The following NDRG2 variants were observed in gnomAD, a reference collection of about 807,000 sequenced individuals.
NDRG2 encodes protein NDRG2.
NDRG2 carries 34 observed loss-of-function variants against 58.2 expected under a neutral mutation model. That is an observed-to-expected ratio of 0.58 (90% CI 0.44 to 0.78). The LOEUF (loss-of-function observed/expected upper bound fraction) is 0.78, where lower values mean the gene tolerates loss of function less well. Ranked by LOEUF, NDRG2 falls within the 30% of genes least tolerant of loss-of-function variation. The pLI is 0.00. For missense variants in NDRG2, 434 were observed against 471.2 expected, an observed-to-expected ratio of 0.92 and a Z score of 0.73; for synonymous variants, 187 against 175.9, an observed-to-expected ratio of 1.06 and a Z score of -0.50.
chr14:21,033,712 C>A (rs1300939661), intron 1 of NDRG2: 6 of 835,544 alleles, frequency 7.2e-6, no homozygotes, highest in African/African-American at 1.7e-5. Flanking sequence ...GGGAGGGGAC[C>A]CTGCCTGCCT....
intron 12 of NDRG2, 84 bp from the exon 13 acceptor site, chr14:21,018,588 G>C: frequency 6.4e-7 from 1 of 1,567,402 alleles, no homozygotes; most frequent in Non-Finnish European, 8.6e-7. Flanking sequence ...CCAGACCCCA[G>C]TCCCTTTTCT....
rs1420094507 is a variant in NDRG2 at position 21,025,007 on chromosome 14, C to T, written c.-984G>A. 12 of 985,938 alleles carry T rather than the reference C, an allele frequency of 1.2e-5. No homozygotes were observed. Among genetic ancestry groups the T allele is most frequent in the Non-Finnish European group, 1.4e-5 (12 of 830,366 alleles). The allele number at this position is 985,938 out of a possible 1,614,324, so 61.1% of individuals were successfully genotyped here. On this transcript the variant is annotated 5_prime_UTR_variant, in exon 1 of 16. Transcript: ENST00000556147. The surrounding 1 kb of genome is among the most constrained non-coding windows in gnomAD (Gnocchi z 5.1). ...CTGGCGCCTTCCAGGCCCTACGGCCCCTCGCCTGCCCCTCCCCCTACCTGC... is the reference window on the plus strand; with the variant it reads ...CTGGCGCCTTCCAGGCCCTACGGCCTCTCGCCTGCCCCTCCCCCTACCTGC...
intron 1 of NDRG2, among the ~76,000 whole-genome samples, chr14:21,053,904 T>C (rs1279147356): frequency 6.6e-6 from 1 of 152,220 alleles, no homozygotes; most frequent in African/African-American, 2.4e-5. Context: ...ACTGGGTCCA[T>C]GTAAGCTAGT....
At chr14:21,034,190 A>G (rs748525600) in intron 1 of NDRG2, 90 of 1,613,934 alleles carry the variant, frequency 5.6e-5, no homozygotes, top group Non-Finnish European at 6.9e-5. Flanking sequence ...TGCTTAAGGT[A>G]TAGAAGTTCC....
intron 15 of NDRG2, 106 bp from the exon 16 acceptor site, chr14:21,017,868 G>C: frequency 1.2e-6 from 2 of 1,601,618 alleles, no homozygotes; most frequent in Non-Finnish European, 8.5e-7. Context: ...AACTAAGCCA[G>C]GGGATCAACG....
Position 21,025,059 on chromosome 14 carries a change from C to T in NDRG2, c.-1036G>A. 6 of 986,278 alleles carry T rather than the reference C, an allele frequency of 6.1e-6. No individual in the cohort carries two copies. The highest frequency in any genetic ancestry group is 6.0e-6 in the Non-Finnish European group (5 of 830,692). The allele number at this position is 986,278 out of a possible 1,614,324, so 61.1% of individuals were successfully genotyped here. ...GCCGCCGCGGCCGCTTCCACCTTCA[C>T]TTGCCTTTGACTCGGGCCCGCCCCG... On this transcript the variant is annotated 5_prime_UTR_variant, in exon 1 of 16. The change creates a new upstream start codon in the 5' untranslated region. Transcript: ENST00000556147. This position sits in a 1 kb window ranked among gnomAD's most constrained non-coding sequence, Gnocchi z 5.1.
chr14:21,044,829 C>T (rs1885075155), intron 1 of NDRG2, among the ~76,000 whole-genome samples: 1 of 152,168 alleles, frequency 6.6e-6, no homozygotes, highest in African/African-American at 2.4e-5. Flanking sequence ...GCTGAGGATT[C>T]CACTCTACCT....
rs774419472 is a variant in NDRG2, at chr14:21,033,960, G to A, written c.25-10639C>T. On this transcript the variant is annotated intron_variant, in intron 1 of 14. Transcript: ENST00000403829. ...CTGTTGGTGGCTCAGGGAGCAGACCGTGATGGGGAGGGAATCCTGGGTGAG... is the reference window on the plus strand; with the variant it reads ...CTGTTGGTGGCTCAGGGAGCAGACCATGATGGGGAGGGAATCCTGGGTGAG... The A allele has an allele frequency of 4.3e-5, 69 of 1,614,054 alleles. 1 individual carries two copies. In the East Asian group the frequency reaches 6.5e-4, roughly 15 times the overall value.
At chr14:21,069,035 G>A (rs528839811) in intron 1 of NDRG2, among the ~76,000 whole-genome samples, 2 of 152,322 alleles carry the variant, frequency 1.3e-5, no homozygotes, top group East Asian at 3.9e-4. Flanking sequence ...CAGCTGCAGG[G>A]GCACACGCGT....
At chr14:21,033,744 T>G in intron 1 of NDRG2, 1 of 1,040,596 alleles carries the variant, frequency 9.6e-7, no homozygotes. Context: ...AAGGAAGTCT[T>G]GTTACAGGGA....
chr14:21,030,293 G>A (rs1010901502), upstream of NDRG2: 8 of 359,936 alleles, frequency 2.2e-5, no homozygotes, highest in East Asian at 1.0e-4. Context: ...ACCACCATCC[G>A]GGTACTCTAA....
At chr14:21,022,033 T>C (rs774035503) in intron 5 of NDRG2, 29 bp downstream of exon 5, 3 of 1,614,168 alleles carry the variant, frequency 1.9e-6, no homozygotes, top group Non-Finnish European at 2.5e-6. Flanking sequence ...CCTCACAGTC[T>C]GGTGAAGCAG....
intron 1 of NDRG2, among the ~76,000 whole-genome samples, chr14:21,035,231 C>T (rs1884543011): frequency 6.6e-6 from 1 of 152,200 alleles, no homozygotes; most frequent in African/African-American, 2.4e-5. Context: ...GACCTCAGGC[C>T]CTGTCAGAGT....
At chr14:21,031,399 T>C in intron 1 of NDRG2, 1 of 528,130 alleles carries the variant, frequency 1.9e-6, no homozygotes, top group Non-Finnish European at 3.2e-6. Flanking sequence ...GTGTCTAGTA[T>C]CTGAGCCAGG....
chr14:21,036,659 T>C (rs1379204074), intron 1 of NDRG2, among the ~76,000 whole-genome samples: 1 of 152,034 alleles, frequency 6.6e-6, no homozygotes, highest in Non-Finnish European at 1.5e-5. Flanking sequence ...TCCCACCTTG[T>C]CCCCCACCTC....
intron 1 of NDRG2, chr14:21,042,929 C>T (rs1884970975): frequency 7.0e-7 from 1 of 1,425,090 alleles, no homozygotes. Flanking sequence ...GGACTAATTT[C>T]TCAACTGAAC....
intron 1 of NDRG2, among the ~76,000 whole-genome samples, chr14:21,031,524 T>C (rs930936568): frequency 1.3e-5 from 2 of 152,210 alleles, no homozygotes; most frequent in Admixed American, 6.5e-5. Flanking sequence ...GCCTCTCACC[T>C]ACTCCCTTTT....
chr14:21,059,917 C>T (rs1031871907), intron 1 of NDRG2, among the ~76,000 whole-genome samples: 6 of 152,102 alleles, frequency 3.9e-5, no homozygotes, highest in East Asian at 1.9e-4. Flanking sequence ...TACACATATA[C>T]ACACACACAT....
intron 15 of NDRG2, 83 bp downstream of exon 15, chr14:21,017,904 G>A: frequency 6.2e-7 from 1 of 1,611,506 alleles, no homozygotes; most frequent in Non-Finnish European, 8.5e-7. Flanking sequence ...ATAGCGGTGA[G>A]TCCAGGCATT....
Sources: allele counts gnomAD v4.1 joint callset (sites outside exome capture counted in the v4.1 genomes callset), GRCh38; gene constraint gnomAD v4.1.1; non-coding constraint Gnocchi (gnomAD v3.1); transcripts MANE v1.5; gene names NCBI Gene and HGNC (gene_info 2026-07-23, HGNC 2026-07-21).